The following LRRIQ3 variants were observed in gnomAD, a reference collection of about 807,000 sequenced individuals.
LRRIQ3 encodes leucine-rich repeat and IQ domain-containing protein 3.
Under a neutral mutation model 59.3 loss-of-function variants are expected in LRRIQ3, and 75 were observed. The ratio of observed to expected loss-of-function variants is 1.26; its 90% CI spans 1.05 to 1.53. The LOEUF (loss-of-function observed/expected upper bound fraction) is 1.53, where lower values mean the gene tolerates loss of function less well. LRRIQ3 is among the 40% of genes most tolerant of loss of function. The pLI, the probability that LRRIQ3 is intolerant of heterozygous loss-of-function variation, is 0.00. For missense variants in LRRIQ3, 831 were observed against 710.0 expected, an observed-to-expected ratio of 1.17 and a Z score of -1.94; for synonymous variants, 250 against 231.3, an observed-to-expected ratio of 1.08 and a Z score of -0.73.
chr1:74,100,311 C>T (rs1437094935), intron 5 of LRRIQ3, among the ~76,000 whole-genome samples: 3 of 152,066 alleles, frequency 2.0e-5, no homozygotes, highest in Non-Finnish European at 4.4e-5. Context: ...TTCACAATTG[C>T]TTCAAAGAGA....
At chr1:74,150,615 C>G (rs1647869959) in intron 4 of LRRIQ3, among the ~76,000 whole-genome samples, 1 of 151,928 alleles carries the variant, frequency 6.6e-6, no homozygotes, top group Admixed American at 6.6e-5. Context: ...TTATTATAGC[C>G]CTAGCATTTA....
At chr1:74,172,381 T>C (rs1649380540) in intron 3 of LRRIQ3, among the ~76,000 whole-genome samples, 1 of 152,184 alleles carries the variant, frequency 6.6e-6, no homozygotes, top group Non-Finnish European at 1.5e-5. Flanking sequence ...TTTCCTTGCA[T>C]TTGTGAATTT....
At chr1:74,180,927 T>A in intron 3 of LRRIQ3, 2 of 753,288 alleles carry the variant, frequency 2.7e-6, no homozygotes, top group Non-Finnish European at 4.2e-6. Flanking sequence ...CTTTAGCAAC[T>A]AACACTAGCT....
chr1:74,048,367 C>T (rs991857166), intron 6 of LRRIQ3, among the ~76,000 whole-genome samples: 8 of 152,042 alleles, frequency 5.3e-5, no homozygotes, highest in Non-Finnish European at 1.2e-4. Flanking sequence ...TATAATGTTC[C>T]TAGAATGTCC....
At chr1:74,151,325 T>A (rs767777817) in intron 4 of LRRIQ3, among the ~76,000 whole-genome samples, 1 of 152,176 alleles carries the variant, frequency 6.6e-6, no homozygotes, top group Non-Finnish European at 1.5e-5. Context: ...TGTGGGATAA[T>A]AGTTATGGCA....
chr1:74,051,528 A>G (rs887188494), intron 6 of LRRIQ3, among the ~76,000 whole-genome samples: 4 of 152,272 alleles, frequency 2.6e-5, no homozygotes, highest in Admixed American at 2.6e-4. Context: ...AAAGTGTACA[A>G]TGTAATTGTT....
intron 5 of LRRIQ3, among the ~76,000 whole-genome samples, chr1:74,091,277 T>C (rs910695368): frequency 4.6e-5 from 7 of 152,110 alleles, no homozygotes; most frequent in Admixed American, 2.0e-4. Context: ...GGTCAAATAT[T>C]GGTGGTGATT....
rs769904792 is a variant in LRRIQ3 at position 74,089,618 on chromosome 1, T to A, written c.868-14828A>T. 5.3e-5 allele frequency among the ~76,000 whole-genome samples: 8 copies of A among 152,188 alleles called. No individual in the cohort carries two copies. The South Asian group carries it at 1.0e-3, about 20-fold the overall frequency. On this transcript the variant is annotated intron_variant, in intron 5 of 7. Transcript: ENST00000354431. The stretch of plus-strand genomic sequence containing the variant: ...AATAACATATATGCATGATTCCGCT[T>A]ATATTAAATGCCAAGAATAGACAAA...
intron 7 of LRRIQ3, among the ~76,000 whole-genome samples, chr1:74,030,569 T>G (rs1653673345): frequency 6.6e-6 from 1 of 152,182 alleles, no homozygotes; most frequent in South Asian, 2.1e-4. Flanking sequence ...TGTAGAAAGC[T>G]GAAACTGGAT....
At chr1:74,106,282 T>G (rs1219920028) in intron 5 of LRRIQ3, among the ~76,000 whole-genome samples, 1 of 152,074 alleles carries the variant, frequency 6.6e-6, no homozygotes, top group Non-Finnish European at 1.5e-5. Flanking sequence ...CATCACTTTC[T>G]TACTTCACAG....
chr1:74,101,744 T>C (rs865876610), intron 5 of LRRIQ3, among the ~76,000 whole-genome samples: 3 of 152,134 alleles, frequency 2.0e-5, no homozygotes, highest in African/African-American at 4.8e-5. Flanking sequence ...AAAGGATGAG[T>C]TCATGTCCTT....
At chr1:74,145,120 C>T (rs1049977204) in intron 4 of LRRIQ3, among the ~76,000 whole-genome samples, 2 of 152,034 alleles carry the variant, frequency 1.3e-5, no homozygotes, top group African/African-American at 4.8e-5. Flanking sequence ...TTATCACTAG[C>T]GTATGAATGA....
chr1:74,102,340 A>G (rs1434419197), intron 5 of LRRIQ3, among the ~76,000 whole-genome samples: 1 of 151,982 alleles, frequency 6.6e-6, no homozygotes, highest in East Asian at 1.9e-4. Flanking sequence ...TCTTCAAAGA[A>G]GACACAGAAA....
At chr1:74,029,111 T>G (rs1238590512) in intron 7 of LRRIQ3, among the ~76,000 whole-genome samples, 3 of 152,132 alleles carry the variant, frequency 2.0e-5, no homozygotes, top group Non-Finnish European at 4.4e-5. Context: ...AAGGAGATTT[T>G]GGGCTGAGAC....
In LRRIQ3 at chr1:74,100,953, A is replaced by G. The variant is rs561858110; in HGVS notation, c.867+8441T>C. On this transcript the variant is annotated intron_variant, in intron 5 of 7. Coordinates refer to ENST00000354431, the MANE Select transcript of LRRIQ3 (RefSeq NM_001105659.2). Reference sequence around the variant, plus strand: ...AAATGTTAGACCTAAAACCATAAAAACCCTAGAAGAAAACCTAGGCAATAC... The same window carrying G: ...AAATGTTAGACCTAAAACCATAAAAGCCCTAGAAGAAAACCTAGGCAATAC... Among the ~76,000 whole-genome samples the G allele has an allele frequency of 1.1e-3, 170 of 152,210 alleles. 2 individuals are homozygous for G. The East Asian group carries it at 0.025, about 22-fold the overall frequency.
At chr1:74,084,208 T>A (rs1646303316) in intron 5 of LRRIQ3, 2 of 1,547,064 alleles carry the variant, frequency 1.3e-6, no homozygotes, top group Non-Finnish European at 1.7e-6. Context: ...CCCATAATTT[T>A]TTTTTATCCT....
intron 3 of LRRIQ3, chr1:74,180,674 A>G (rs1649922356): frequency 6.5e-7 from 1 of 1,532,618 alleles, no homozygotes; most frequent in Non-Finnish European, 8.8e-7. Flanking sequence ...GTCATTTGTG[A>G]TGCAATGTTG....
Position 74,084,177 on chromosome 1 carries a change from G to A in LRRIQ3, c.868-9387C>T, listed in dbSNP as rs987070625. 3.9e-6 allele frequency: 6 copies of A among 1,546,892 alleles called. No homozygotes were observed. In the African/African-American group the frequency reaches 8.2e-5, roughly 21 times the overall value. On this transcript the variant is annotated intron_variant, in intron 5 of 7. Transcript: ENST00000354431. ...GATGAGAGATGAATACACACATCCA[G>A]CCCACTTCAGTGAAAATTGACCCAT...
At chr1:74,156,549 A>G (rs1648339707) in intron 3 of LRRIQ3, among the ~76,000 whole-genome samples, 1 of 152,180 alleles carries the variant, frequency 6.6e-6, no homozygotes, top group South Asian at 2.1e-4. Context: ...CTGATAATAT[A>G]TGTATAAAAT....
Sources: gnomAD v4.1 joint callset for allele counts (sites outside exome capture counted in the v4.1 genomes callset) on GRCh38, gnomAD v4.1.1 for gene constraint, MANE v1.5 for transcripts, NCBI Gene and HGNC (gene_info 2026-07-23, HGNC 2026-07-21) for gene names.